NDUFC2: variants seen among roughly 807,000 people sequenced by gnomAD.
NDUFC2 encodes the protein NADH:ubiquinone oxidoreductase subunit C2, also known as NADH dehydrogenase [ubiquinone] 1 subunit C2.
A neutral mutation model predicts 10.1 loss-of-function variants in NDUFC2; 2 were observed. The observed-to-expected ratio is 0.20, with a 90% CI of 0.08 to 0.62. The LOEUF (loss-of-function observed/expected upper bound fraction) is 0.62. Among genes scored for constraint, NDUFC2 ranks in the 20% least tolerant of loss-of-function variants. NDUFC2 has a pLI of 0.87. For missense variants in NDUFC2, 156 were observed against 159.6 expected (o/e 0.98, Z 0.12); for synonymous variants, 61 against 63.6 (o/e 0.96, Z 0.20).
chr11:78,078,743 T>TTTTTTTTTTTTTTTTTTG (rs1859362696), intron 1 of NDUFC2, among the ~76,000 whole-genome samples: 1 of 142,912 alleles, frequency 7.0e-6, no homozygotes, highest in East Asian at 2.0e-4. Flanking sequence ...TTTTTTTTTT[T>TTTTTTTTTTTTTTTTTTG]GAGACAGGGT....
rs766462273 is a variant in NDUFC2 at position 78,070,073 on chromosome 11, A to C, written c.311-37T>G. On this transcript the variant is annotated intron_variant, in intron 2 of 2. Coordinates refer to ENST00000281031, the MANE Select transcript of NDUFC2 (RefSeq NM_004549.6). ...AAGATCATAAAAGATTTATTTTAAA[A>C]ATATGTTTTAAAAATTGTATTTCCT... The C allele has an allele frequency of 1.5e-5, 21 of 1,392,458 alleles. No individual in the cohort carries two copies. The African/African-American group carries it at 2.9e-4, about 19-fold the overall frequency. 86.3% of individuals were successfully genotyped at this position (1,392,458 alleles called of 1,614,324 possible).
At chr11:78,074,748 G>A (rs911842191) in intron 1 of NDUFC2, among the ~76,000 whole-genome samples, 7 of 152,122 alleles carry the variant, frequency 4.6e-5, no homozygotes, top group Non-Finnish European at 1.0e-4. Context: ...TTCTAGAACT[G>A]GACAGAGCAC....
chr11:78,073,223 G>A, intron 1 of NDUFC2, 82 bp from the exon 2 acceptor site: 3 of 1,597,126 alleles, frequency 1.9e-6, no homozygotes, highest in Non-Finnish European at 2.6e-6. Context: ...TGGACGCAGT[G>A]GCTCACACCT....
In NDUFC2 at chr11:78,069,421, G is replaced by A. The variant is rs1858893820; in HGVS notation, c.*566C>T. On this transcript the variant is annotated 3_prime_UTR_variant, in exon 3 of 3. Transcript: ENST00000281031. ...TATATCATTCATTATAGACAGCTCA[G>A]AAATACAAACCTGACTGTATGATTT... 1 of 160,334 alleles carries A rather than the reference G, an allele frequency of 6.2e-6. No homozygotes were observed. Among genetic ancestry groups the A allele is most frequent in the Admixed American group, 6.4e-5 (1 of 15,504 alleles). The allele number at this position is 160,334 out of a possible 1,614,324, so 9.9% of individuals were successfully genotyped here.
chr11:78,079,457 T>C, intron 1 of NDUFC2, 122 bp downstream of exon 1: 2 of 1,373,346 alleles, frequency 1.5e-6, no homozygotes, highest in Non-Finnish European at 1.9e-6. Context: ...AAAGGCGAGA[T>C]GGGGCCAGCT....
chr11:78,072,935 A>G (rs1859072058), intron 2 of NDUFC2, 63 bp downstream of exon 2: 3 of 1,579,230 alleles, frequency 1.9e-6, no homozygotes, highest in Non-Finnish European at 8.6e-7. Flanking sequence ...ACACATGGAT[A>G]AGATTAACCA....
chr11:78,076,777 TAAC>T (rs1367069399), intron 1 of NDUFC2, among the ~76,000 whole-genome samples: 1 of 152,176 alleles, frequency 6.6e-6, no homozygotes, highest in Non-Finnish European at 1.5e-5. Flanking sequence ...ACGGCTAAAC[TAAC>T]AACGAGATTA....
chr11:78,069,916 A>G lies in NDUFC2; in HGVS notation c.*71T>C, dbSNP rs775652801. The G allele has an allele frequency of 2.5e-6, 4 of 1,613,654 alleles. No homozygotes were observed. In the South Asian group the frequency reaches 3.3e-5, roughly 13 times the overall value. Reference sequence around the variant, plus strand: ...CAGATTAGCATAAGCTTCAACTGTCATAAGAAACATGTTCCATCAAATTCA... The same window carrying G: ...CAGATTAGCATAAGCTTCAACTGTCGTAAGAAACATGTTCCATCAAATTCA... On this transcript the variant is annotated 3_prime_UTR_variant, in exon 3 of 3. Coordinates refer to ENST00000281031, the MANE Select transcript of NDUFC2 (RefSeq NM_004549.6).
chr11:78,070,419 T>A (rs1011421371), intron 2 of NDUFC2, among the ~76,000 whole-genome samples: 1 of 152,178 alleles, frequency 6.6e-6, no homozygotes, highest in Non-Finnish European at 1.5e-5. Context: ...AAGCAATAAA[T>A]TTCTATTACT....
Position 78,073,122 on chromosome 11 carries a change from T to A in NDUFC2, c.186A>T (p.Leu62=). 1 of 1,611,546 alleles carries A rather than the reference T, an allele frequency of 6.2e-7. No homozygotes were observed. The highest frequency in any genetic ancestry group is 8.5e-7 in the Non-Finnish European group (1 of 1,179,478). Residue 62 remains leucine (L), a synonymous_variant, in exon 2 of 3, where the codon CTA becomes CTT. Coordinates refer to ENST00000281031, the MANE Select transcript of NDUFC2 (RefSeq NM_004549.6). ...IATAGLHRQL[L]YITAFFFAGY... is the part of the protein sequence containing the mutation. ...CAGCAAAAAAAAAGGCCGTAATATA[T>A]AGAAGCTGGCGATGCAAACCTGAAA... is the stretch of plus-strand genomic sequence containing the variant.
At chr11:78,073,888 T>C (rs974750472) in intron 1 of NDUFC2, among the ~76,000 whole-genome samples, 4 of 151,788 alleles carry the variant, frequency 2.6e-5, no homozygotes, top group Non-Finnish European at 4.4e-5. Flanking sequence ...TTTTTTTTTT[T>C]TGAGACAGGG....
At chr11:78,077,128 C>A (rs1361324616) in intron 1 of NDUFC2, among the ~76,000 whole-genome samples, 3 of 152,004 alleles carry the variant, frequency 2.0e-5, no homozygotes, top group Non-Finnish European at 4.4e-5. Flanking sequence ...CCCATCTCTA[C>A]AAAAAATTTT....
At chr11:78,071,567 C>A (rs909729765) in intron 2 of NDUFC2, among the ~76,000 whole-genome samples, 2 of 151,126 alleles carry the variant, frequency 1.3e-5, no homozygotes, top group Non-Finnish European at 3.0e-5. Context: ...CTGGGGAAAC[C>A]AAAAAAAACT....
chr11:78,076,006 C>G (rs1385706967), intron 1 of NDUFC2, among the ~76,000 whole-genome samples: 1 of 152,156 alleles, frequency 6.6e-6, no homozygotes, highest in African/African-American at 2.4e-5. Context: ...GTGACACACA[C>G]CTTCACTCTA....
At position 78,069,927 on chromosome 11, in the gene NDUFC2, G is replaced by A; in HGVS notation, c.*60C>T. On this transcript the variant is annotated 3_prime_UTR_variant, in exon 3 of 3. Coordinates refer to ENST00000281031, the MANE Select transcript of NDUFC2 (RefSeq NM_004549.6). ...AAGCTTCAACTGTCATAAGAAACATGTTCCATCAAATTCAGAAACAGCAGG... is the reference window on the plus strand; with the variant it reads ...AAGCTTCAACTGTCATAAGAAACATATTCCATCAAATTCAGAAACAGCAGG... 1 of 1,613,576 alleles carries A rather than the reference G, an allele frequency of 6.2e-7. No homozygotes were observed.
chr11:78,070,060 G>T (rs1412531098), intron 2 of NDUFC2, 24 bp from the exon 3 acceptor site: 14 of 1,442,066 alleles, frequency 9.7e-6, no homozygotes, highest in Admixed American at 2.0e-5. Context: ...GATCATAAAA[G>T]ATTTATTTTA....
chr11:78,071,659 G>A (rs1013137231), intron 2 of NDUFC2, among the ~76,000 whole-genome samples: 43 of 152,150 alleles, frequency 2.8e-4, no homozygotes, highest in Non-Finnish European at 2.9e-4. Context: ...AAACACAGGT[G>A]AGAAAAGTTA....
intron 1 of NDUFC2, 107 bp from the exon 2 acceptor site, chr11:78,073,248 T>A: frequency 1.9e-6 from 3 of 1,546,032 alleles, no homozygotes; most frequent in Non-Finnish European, 2.6e-6. Flanking sequence ...TCCCAGCACT[T>A]TGGGAGGCCA....
In NDUFC2 at chr11:78,069,501, AGTCACAG is replaced by A; in HGVS notation, c.*479_*485del. Reference sequence around the variant, plus strand: ...GATGAAGTCAAAATTATTTGGCAAGAGTCACAGAATCCTCCATAATCTGGCTCACTCT... The same window carrying A: ...GATGAAGTCAAAATTATTTGGCAAGAAATCCTCCATAATCTGGCTCACTCT... On this transcript the variant is annotated 3_prime_UTR_variant, in exon 3 of 3. Coordinates refer to ENST00000281031, the MANE Select transcript of NDUFC2 (RefSeq NM_004549.6). 1 of 221,970 alleles carries A rather than the reference AGTCACAG, an allele frequency of 4.5e-6. No homozygotes were observed. Among genetic ancestry groups the A allele is most frequent in the Non-Finnish European group, 8.7e-6 (1 of 115,432 alleles). The allele number at this position is 221,970 out of a possible 1,614,324, so 13.8% of individuals were successfully genotyped here.
Sources: gnomAD v4.1 joint callset for allele counts (sites outside exome capture counted in the v4.1 genomes callset) on GRCh38, gnomAD v4.1.1 for gene constraint, MANE v1.5 for transcripts, NCBI Gene and HGNC (gene_info 2026-07-23, HGNC 2026-07-21) for gene names.